The following TTLL4 variants were observed in gnomAD, a reference collection of about 807,000 sequenced individuals.
TTLL4 encodes the protein tubulin monoglutamylase TTLL4.
Under a neutral mutation model 122.7 loss-of-function variants are expected in TTLL4, and 85 were observed. The observed-to-expected ratio is 0.69, with a 90% CI of 0.58 to 0.83. The LOEUF (loss-of-function observed/expected upper bound fraction) is 0.83, where lower values mean the gene tolerates loss of function less well. TTLL4 is among the 40% of genes least tolerant of loss of function. The pLI, the probability that TTLL4 is intolerant of heterozygous loss-of-function variation, is 0.00. For missense variants in TTLL4, 1,363 were observed against 1,488.6 expected, an observed-to-expected ratio of 0.92 and a Z score of 1.39; for synonymous variants, 553 against 563.0, an observed-to-expected ratio of 0.98 and a Z score of 0.25.
intron 2 of TTLL4, among the ~76,000 whole-genome samples, chr2:218,731,922 T>C (rs1403894928): frequency 6.6e-6 from 1 of 152,254 alleles, no homozygotes; most frequent in African/African-American, 2.4e-5. Flanking sequence ...TATAGCTTAG[T>C]GTTTATACCC....
chr2:218,739,275 A>G (rs912462745), intron 3 of TTLL4, 112 bp downstream of exon 3: 1 of 1,370,298 alleles, frequency 7.3e-7, no homozygotes, highest in Non-Finnish European at 9.7e-7. Flanking sequence ...TAGCTGCCCT[A>G]GAATTTTTGG....
chr2:218,727,857 T>C (rs2106409564), intron 2 of TTLL4, among the ~76,000 whole-genome samples: 1 of 152,362 alleles, frequency 6.6e-6, no homozygotes, highest in Non-Finnish European at 1.5e-5. Context: ...CATTTCTTGC[T>C]TTGTCATAGT....
Position 218,737,728 on chromosome 2 carries a change from A to AGT in TTLL4, c.53_54insTG (p.Phe19AlafsTer32). 6.2e-7 allele frequency: 1 copy of AGT among 1,613,764 alleles called. No homozygotes were observed. On this transcript the variant is annotated frameshift_variant, in exon 3 of 20. Coordinates refer to ENST00000392102, the MANE Select transcript of TTLL4 (RefSeq NM_014640.5). LOFTEE classifies it high-confidence loss of function. ...TAGTATTGGCCTCCGCCAGAAAAACAGCTTCAAGCAGAGTGGTCCCTCAGG... is the reference window on the plus strand; with the variant it reads ...TAGTATTGGCCTCCGCCAGAAAAACAGTGCTTCAAGCAGAGTGGTCCCTCAGG...
At position 218,738,544 on chromosome 2, in the gene TTLL4, G is replaced by A. The variant is rs115902060; in HGVS notation, c.868G>A (p.Ala290Thr). Residue 290 changes from alanine (A) to threonine (T), a missense_variant, in exon 3 of 20, where the codon GCT becomes ACT. Physicochemically the swap from Ala to Thr is moderately conservative, Grantham distance 58. Coordinates refer to ENST00000392102, the MANE Select transcript of TTLL4 (RefSeq NM_014640.5). ...DASAHIALST[A>T]SSHDTSTTSV... ...CAGTGCCCATATCGCCTTGTCTACCGCTAGCTCCCACGACACATCCACCAC... is the reference window on the plus strand; with the variant it reads ...CAGTGCCCATATCGCCTTGTCTACCACTAGCTCCCACGACACATCCACCAC... 4.3e-5 allele frequency: 70 copies of A among 1,614,084 alleles called. No homozygotes were observed. In the East Asian group the frequency reaches 1.4e-3, roughly 32 times the overall value.
Position 218,754,084 on chromosome 2 carries a change from C to CG in TTLL4, c.3345-50_3345-49insG, listed in dbSNP as rs768093390. On this transcript the variant is annotated intron_variant, in intron 19 of 19. Coordinates refer to ENST00000392102, the MANE Select transcript of TTLL4 (RefSeq NM_014640.5). Reference sequence around the variant, plus strand: ...CTGAAGGCAAATCCTAAGGTAAAGTCTCAGTTAAACAGTGTCTCAGTCATT... The same window carrying CG: ...CTGAAGGCAAATCCTAAGGTAAAGTCGTCAGTTAAACAGTGTCTCAGTCATT... The CG allele has an allele frequency of 5.6e-6, 9 of 1,607,850 alleles. No homozygotes were observed. In the East Asian group the frequency reaches 1.8e-4, roughly 32 times the overall value.
chr2:218,751,733 G>A lies in TTLL4; in HGVS notation c.2903G>A (p.Arg968Gln), dbSNP rs145442569. 5.6e-6 allele frequency: 9 copies of A among 1,613,132 alleles called. No homozygotes were observed. In the African/African-American group the frequency reaches 8.0e-5, roughly 14 times the overall value. ...SLPTSPGDKC[R>Q]MAPEHVTAQK... is the part of the protein sequence containing the mutation. The stretch of plus-strand genomic sequence containing the variant: ...CCCACCTCCCCTGGGGACAAATGTC[G>A]AATGGCTCCAGAGCATGTCACTGCA... Residue 968 changes from arginine (R) to glutamine (Q), a missense_variant, in exon 16 of 20, where the codon CGA becomes CAA. By Grantham distance (43) the Arg-to-Gln change is conservative (BLOSUM62 1). Coordinates refer to ENST00000392102, the MANE Select transcript of TTLL4 (RefSeq NM_014640.5).
intron 5 of TTLL4, among the ~76,000 whole-genome samples, chr2:218,741,220 T>A (rs1045671615): frequency 1.3e-5 from 2 of 151,980 alleles, no homozygotes; most frequent in Non-Finnish European, 2.9e-5. Context: ...TGAAACCCCA[T>A]CTCTACTAAA....
intron 8 of TTLL4, chr2:218,746,467 A>T: frequency 1.9e-6 from 1 of 523,716 alleles, no homozygotes; most frequent in Non-Finnish European, 3.4e-6. Context: ...GGGGCAGCTG[A>T]GTCCCTCTCC....
chr2:218,740,097 A>G lies in TTLL4; in HGVS notation c.1527A>G (p.Glu509=). The change falls in exon 4 of 20, where the codon GAA becomes GAG. Residue 509 remains glutamate, a synonymous_variant. Transcript: ENST00000392102. ...TCCAGCCAGATCAGGCTGAGACTGA[A>G]GATACAGAAGAAGAACTAGTAGATG... The part of the protein sequence containing the change: ...TDLQPDQAET[E]DTEEELVDGL... The G allele has an allele frequency of 6.2e-7, 1 of 1,614,242 alleles. No homozygotes were observed. Among genetic ancestry groups the G allele is most frequent in the Admixed American group, 1.7e-5 (1 of 60,018 alleles).
At chr2:218,720,209 G>A (rs1368525069) in intron 1 of TTLL4, among the ~76,000 whole-genome samples, 5 of 152,088 alleles carry the variant, frequency 3.3e-5, no homozygotes, top group Admixed American at 1.3e-4. Context: ...CGACAAATCT[G>A]CAAAATGACT....
chr2:218,739,029 T>G lies in TTLL4; in HGVS notation c.1353T>G (p.Ala451=). ...CCTCAGCATTTGGAGAAGGCAAAGCTCCAGGTCCCCCTTTTCCTCAAACTC... is the reference window on the plus strand; with the variant it reads ...CCTCAGCATTTGGAGAAGGCAAAGCGCCAGGTCCCCCTTTTCCTCAAACTC... ...IDSSAFGEGK[A]PGPPFPQTLG... is the part of the protein sequence containing the mutation. The change falls in exon 3 of 20, where the codon GCT becomes GCG. Residue 451 remains alanine, a synonymous_variant. Transcript: ENST00000392102. 1 of 1,614,126 alleles carries G rather than the reference T, an allele frequency of 6.2e-7. No homozygotes were observed. The highest frequency in any genetic ancestry group is 1.1e-5 in the South Asian group (1 of 91,078).
intron 8 of TTLL4, 114 bp downstream of exon 8, chr2:218,746,345 C>A: frequency 8.5e-7 from 1 of 1,171,030 alleles, no homozygotes; most frequent in Non-Finnish European, 1.3e-6. Flanking sequence ...ATGGAGAAGT[C>A]AGGAAGGTGT....
chr2:218,717,251 C>T (rs1448051039), intron 1 of TTLL4, among the ~76,000 whole-genome samples: 1 of 151,992 alleles, frequency 6.6e-6, no homozygotes, highest in Non-Finnish European at 1.5e-5. Context: ...GCACAAGTCA[C>T]CCCACCCAGC....
At chr2:218,743,663 T>TA (rs1472504891) in intron 5 of TTLL4, among the ~76,000 whole-genome samples, 3 of 152,050 alleles carry the variant, frequency 2.0e-5, no homozygotes, top group African/African-American at 7.3e-5. Context: ...TTTACGTTTC[T>TA]ATCTTTTTTG....
intron 1 of TTLL4, among the ~76,000 whole-genome samples, chr2:218,712,361 T>C (rs1169460570): frequency 6.6e-6 from 1 of 151,988 alleles, no homozygotes; most frequent in Non-Finnish European, 1.5e-5. Context: ...CATGAATACA[T>C]TTCCAGATCC....
chr2:218,731,273 T>C (rs1188180578), intron 2 of TTLL4, among the ~76,000 whole-genome samples: 1 of 151,912 alleles, frequency 6.6e-6, no homozygotes, highest in East Asian at 1.9e-4. Flanking sequence ...TAGCCAGGCG[T>C]CGTGGCGGGT....
At chr2:218,728,994 A>G (rs1942277133) in intron 2 of TTLL4, among the ~76,000 whole-genome samples, 1 of 142,570 alleles carries the variant, frequency 7.0e-6, no homozygotes, top group Non-Finnish European at 1.5e-5. Context: ...ATGCAATGGC[A>G]TGATCTCGGC....
rs1306287240 is a variant in TTLL4, at chr2:218,755,031, CA to C, written c.*643del. On this transcript the variant is annotated 3_prime_UTR_variant, in exon 20 of 20. Transcript: ENST00000392102. Reference sequence around the variant, plus strand: ...TTCTGACCCCCCATCACTGCTCGTTCAGCCTTCTAGATGTCTCTCTCGTGGA... The same window carrying C: ...TTCTGACCCCCCATCACTGCTCGTTCGCCTTCTAGATGTCTCTCTCGTGGA... The C allele has an allele frequency of 2.6e-5, 4 of 153,052 alleles. No individual in the cohort carries two copies. Among genetic ancestry groups the C allele is most frequent in the African/African-American group, 9.7e-5 (4 of 41,440 alleles). 9.5% of individuals were successfully genotyped at this position (153,052 alleles called of 1,614,324 possible).
intron 1 of TTLL4, among the ~76,000 whole-genome samples, chr2:218,716,361 A>T (rs1941857810): frequency 6.6e-6 from 1 of 152,222 alleles, no homozygotes; most frequent in African/African-American, 2.4e-5. Flanking sequence ...CAATTCAGAC[A>T]ATCACACAAG....
Sources: allele counts gnomAD v4.1 joint callset (sites outside exome capture counted in the v4.1 genomes callset), GRCh38; gene constraint gnomAD v4.1.1; transcripts MANE v1.5; gene names NCBI Gene and HGNC (gene_info 2026-07-23, HGNC 2026-07-21).